Variants in ZNF804B observed in about 807,000 individuals in gnomAD.
The protein encoded by ZNF804B is zinc finger 804B.
ZNF804B carries 80 observed loss-of-function variants against 101.4 expected under a neutral mutation model. The observed-to-expected ratio is 0.79, with a 90% CI of 0.66 to 0.95. The LOEUF is 0.95. ZNF804B is among the 40% of genes least tolerant of loss of function. The pLI is 0.00. For missense variants in ZNF804B, 1,673 were observed against 1,561.9 expected, an observed-to-expected ratio of 1.07 and a Z score of -1.20; for synonymous variants, 622 against 558.8, an observed-to-expected ratio of 1.11 and a Z score of -1.59.
At chr7:88,784,210 A>C (rs540786822) in intron 1 of ZNF804B, among the ~76,000 whole-genome samples, 1 of 152,280 alleles carries the variant, frequency 6.6e-6, no homozygotes, top group African/African-American at 2.4e-5. Context: ...GACAATCTGC[A>C]ATTAACTGTA....
At chr7:89,100,993 A>T (rs1193317596) in intron 1 of ZNF804B, among the ~76,000 whole-genome samples, 3 of 152,044 alleles carry the variant, frequency 2.0e-5, no homozygotes, top group African/African-American at 7.2e-5. Context: ...TCCATTGGAA[A>T]ACCAAATGTA....
At chr7:88,924,665 C>T (rs1409295513) in intron 1 of ZNF804B, among the ~76,000 whole-genome samples, 1 of 152,154 alleles carries the variant, frequency 6.6e-6, no homozygotes, top group Non-Finnish European at 1.5e-5. Context: ...ATGGCTCACT[C>T]ATTTCATTCA....
At chr7:88,948,299 C>A (rs1445087044) in intron 1 of ZNF804B, among the ~76,000 whole-genome samples, 1 of 144,960 alleles carries the variant, frequency 6.9e-6, no homozygotes, top group Non-Finnish European at 1.5e-5. Flanking sequence ...GTACTAGCCA[C>A]CCATCCATTT....
chr7:89,257,405 G>T (rs1302233836), intron 2 of ZNF804B, among the ~76,000 whole-genome samples: 7 of 151,926 alleles, frequency 4.6e-5, no homozygotes, highest in Admixed American at 4.6e-4. Context: ...TTCAGTTCTT[G>T]TTTTGCTTTT....
At chr7:89,229,089 G>A (rs1048620185) in intron 2 of ZNF804B, among the ~76,000 whole-genome samples, 4 of 152,292 alleles carry the variant, frequency 2.6e-5, no homozygotes, top group Admixed American at 6.5e-5. Flanking sequence ...GCACAGACCC[G>A]GTTCCCGCCC....
At chr7:89,154,923 G>C (rs962499124) in intron 1 of ZNF804B, among the ~76,000 whole-genome samples, 1 of 151,740 alleles carries the variant, frequency 6.6e-6, no homozygotes, top group Non-Finnish European at 1.5e-5. Flanking sequence ...GTAACACAAA[G>C]GATAAATGCT....
At chr7:89,118,181 C>T (rs1387624238) in intron 1 of ZNF804B, among the ~76,000 whole-genome samples, 1 of 152,098 alleles carries the variant, frequency 6.6e-6, no homozygotes, top group Non-Finnish European at 1.5e-5. Context: ...CATAATCTTA[C>T]AATTGTTTTA....
At chr7:88,794,691 T>G (rs777791852) in intron 1 of ZNF804B, 2 of 1,613,772 alleles carry the variant, frequency 1.2e-6, no homozygotes, top group South Asian at 2.2e-5. Flanking sequence ...ATCCTGTCAC[T>G]GCTTCTCCTA....
At chr7:88,836,938 T>C (rs1791222362) in intron 1 of ZNF804B, among the ~76,000 whole-genome samples, 2 of 152,008 alleles carry the variant, frequency 1.3e-5, no homozygotes, top group Admixed American at 1.3e-4. Flanking sequence ...TAATAGTTTT[T>C]GGTTTTTCTT....
intron 2 of ZNF804B, among the ~76,000 whole-genome samples, chr7:89,239,249 G>A (rs1295178804): frequency 6.6e-6 from 1 of 152,102 alleles, no homozygotes; most frequent in Non-Finnish European, 1.5e-5. Flanking sequence ...TGGGACAGGT[G>A]TGTGGGTCAG....
At chr7:89,044,674 A>G (rs967676672) in intron 1 of ZNF804B, among the ~76,000 whole-genome samples, 1 of 152,166 alleles carries the variant, frequency 6.6e-6, no homozygotes, top group Admixed American at 6.5e-5. Context: ...CTTGCTATGC[A>G]AAGAGACTGG....
At chr7:88,879,051 A>T (rs1420765061) in intron 1 of ZNF804B, among the ~76,000 whole-genome samples, 2 of 152,204 alleles carry the variant, frequency 1.3e-5, no homozygotes, top group Non-Finnish European at 2.9e-5. Flanking sequence ...ATGTTGGCAG[A>T]TTCCCGCGAT....
intron 1 of ZNF804B, among the ~76,000 whole-genome samples, chr7:89,135,709 C>T (rs992891783): frequency 1.3e-5 from 2 of 152,012 alleles, no homozygotes; most frequent in African/African-American, 2.4e-5. Context: ...TTTACTTTCA[C>T]AGTCAGACTG....
At chr7:88,768,358 T>C (rs1790013836) in intron 1 of ZNF804B, among the ~76,000 whole-genome samples, 2 of 152,206 alleles carry the variant, frequency 1.3e-5, no homozygotes, top group Non-Finnish European at 2.9e-5. Flanking sequence ...TAGCTATATA[T>C]TTATATTGAA....
chr7:89,274,165 T>G (rs1167214367), intron 2 of ZNF804B, among the ~76,000 whole-genome samples: 1 of 149,806 alleles, frequency 6.7e-6, no homozygotes, highest in Non-Finnish European at 1.5e-5. Context: ...TTCTTTTTCT[T>G]TTTTTTTATT....
chr7:89,073,336 G>A (rs1290066441), intron 1 of ZNF804B, among the ~76,000 whole-genome samples: 1 of 152,122 alleles, frequency 6.6e-6, no homozygotes, highest in African/African-American at 2.4e-5. Flanking sequence ...CTACCATGGG[G>A]AAGGGTTTTC....
chr7:89,280,326 C>G (rs1489086322), intron 2 of ZNF804B, among the ~76,000 whole-genome samples: 3 of 151,746 alleles, frequency 2.0e-5, no homozygotes, highest in East Asian at 1.9e-4. Flanking sequence ...AAAATTGACA[C>G]TCTAACATCA....
intron 1 of ZNF804B, among the ~76,000 whole-genome samples, chr7:88,818,583 T>C (rs1011132458): frequency 6.6e-6 from 1 of 152,160 alleles, no homozygotes; most frequent in African/African-American, 2.4e-5. Context: ...AAGATAATAA[T>C]GTAGAAAATG....
intron 1 of ZNF804B, among the ~76,000 whole-genome samples, chr7:89,033,614 A>T (rs1417346865): frequency 5.3e-5 from 8 of 152,192 alleles, no homozygotes; most frequent in Non-Finnish European, 1.2e-4. Flanking sequence ...CTAATAAAAA[A>T]TATAGTTCGT....
Sources: allele counts gnomAD v4.1 joint callset (sites outside exome capture counted in the v4.1 genomes callset), GRCh38; gene constraint gnomAD v4.1.1; transcripts MANE v1.5; gene names NCBI Gene and HGNC (gene_info 2026-07-23, HGNC 2026-07-21).